The following DLC1 variants were observed in gnomAD, a reference collection of about 807,000 sequenced individuals.
The protein encoded by DLC1 is DLC1 Rho GTPase activating protein, also known as rho GTPase-activating protein 7.
Under a neutral mutation model 140.3 loss-of-function variants are expected in DLC1, and 54 were observed. That is an observed-to-expected ratio of 0.38 (90% confidence interval 0.31 to 0.48). The LOEUF (loss-of-function observed/expected upper bound fraction) is 0.48, where lower values mean the gene tolerates loss of function less well. Ranked by LOEUF, DLC1 falls within the 20% of genes least tolerant of loss-of-function variation. The pLI is 0.96. For missense variants in DLC1, 2,536 were observed against 1,907.0 expected, an observed-to-expected ratio of 1.33 and a Z score of -6.14; for synonymous variants, 986 against 728.1, an observed-to-expected ratio of 1.35 and a Z score of -5.70.
At chr8:13,559,690 G>A (rs1378829648) in intron 1 of DLC1, among the ~76,000 whole-genome samples, 2 of 152,154 alleles carry the variant, frequency 1.3e-5, no homozygotes, top group Non-Finnish European at 2.9e-5. Context: ...CAGGAAAATC[G>A]TTGTGAATTC....
chr8:13,553,539 A>G (rs1803937223), intron 1 of DLC1, among the ~76,000 whole-genome samples: 1 of 151,612 alleles, frequency 6.6e-6, no homozygotes. Context: ...ACTTGTGGAG[A>G]CAGAGTCTCA....
intron 5 of DLC1, among the ~76,000 whole-genome samples, chr8:13,193,660 A>C (rs1826887350): frequency 1.3e-5 from 2 of 152,208 alleles, no homozygotes. Flanking sequence ...ATATCTTCCA[A>C]AAAAGCTCTG....
chr8:13,391,558 C>G (rs1367659606), intron 4 of DLC1, among the ~76,000 whole-genome samples: 1 of 152,084 alleles, frequency 6.6e-6, no homozygotes, highest in African/African-American at 2.4e-5. Context: ...AATTAAAACA[C>G]TGTGAAAACT....
intron 4 of DLC1, among the ~76,000 whole-genome samples, chr8:13,333,367 A>G (rs1833681836): frequency 6.6e-6 from 1 of 151,864 alleles, no homozygotes; most frequent in Non-Finnish European, 1.5e-5. Flanking sequence ...CTGAGACTAC[A>G]CCTGAGCACC....
rs186057542 is a variant in DLC1, at chr8:13,318,442, A to T, written c.1315-13140T>A. Among the ~76,000 whole-genome samples, 26 of 152,332 alleles carry T rather than the reference A, an allele frequency of 1.7e-4. No individual in the cohort carries two copies. The East Asian group carries it at 5.0e-3, about 29-fold the overall frequency. ...AGGTCATTTAATTGACCAAGATCTC[A>T]CCATTAGTAAGTGTCCATGTCAAGT... On this transcript the variant is annotated intron_variant, in intron 4 of 17. Transcript: ENST00000276297.
intron 4 of DLC1, among the ~76,000 whole-genome samples, chr8:13,348,701 A>G (rs901328887): frequency 3.3e-5 from 5 of 152,202 alleles, no homozygotes; most frequent in Non-Finnish European, 7.3e-5. Context: ...CATTATAGTG[A>G]AGAAGGAAGA....
intron 5 of DLC1, among the ~76,000 whole-genome samples, chr8:13,169,975 A>T (rs1376001107): frequency 1.3e-5 from 2 of 152,004 alleles, no homozygotes; most frequent in African/African-American, 4.8e-5. Flanking sequence ...AGCTGTGATC[A>T]CCCTGTGGCA....
intron 5 of DLC1, among the ~76,000 whole-genome samples, chr8:13,303,699 G>A (rs1832302133): frequency 6.6e-6 from 1 of 152,114 alleles, no homozygotes; most frequent in Non-Finnish European, 1.5e-5. Context: ...CTACTCAGGA[G>A]GCTGAGGCAG....
intron 10 of DLC1, among the ~76,000 whole-genome samples, chr8:13,097,093 A>G (rs1034420699): frequency 6.6e-6 from 1 of 152,196 alleles, no homozygotes; most frequent in Non-Finnish European, 1.5e-5. Context: ...ATTATGAACA[A>G]TTTGTACAAT....
chr8:13,263,413 T>C (rs1830546445), intron 5 of DLC1, among the ~76,000 whole-genome samples: 1 of 152,168 alleles, frequency 6.6e-6, no homozygotes, highest in African/African-American at 2.4e-5. Flanking sequence ...AATAGACACT[T>C]AGTTACATTT....
At chr8:13,482,774 G>T (rs1800794393) in intron 2 of DLC1, among the ~76,000 whole-genome samples, 1 of 152,156 alleles carries the variant, frequency 6.6e-6, no homozygotes, top group African/African-American at 2.4e-5. Context: ...GAAGTGCCGT[G>T]CTTGTCTTCA....
intron 4 of DLC1, among the ~76,000 whole-genome samples, chr8:13,372,779 T>A (rs1410089398): frequency 1.3e-5 from 2 of 152,222 alleles, no homozygotes; most frequent in Non-Finnish European, 2.9e-5. Flanking sequence ...TTTATTTATA[T>A]AGAAAAGGGC....
At chr8:13,144,084 G>A (rs1384463264) in intron 5 of DLC1, among the ~76,000 whole-genome samples, 1 of 152,112 alleles carries the variant, frequency 6.6e-6, no homozygotes, top group Admixed American at 6.5e-5. Context: ...TTATGAGGGT[G>A]GTTCTGAAAG....
intron 4 of DLC1, among the ~76,000 whole-genome samples, chr8:13,376,368 C>G (rs1835986608): frequency 6.6e-6 from 1 of 152,162 alleles, no homozygotes; most frequent in Non-Finnish European, 1.5e-5. Flanking sequence ...CTCTATTCCT[C>G]TAAGTAAGCA....
chr8:13,376,056 A>G (rs1563295920), intron 4 of DLC1, among the ~76,000 whole-genome samples: 1 of 152,174 alleles, frequency 6.6e-6, no homozygotes, highest in Non-Finnish European at 1.5e-5. Flanking sequence ...CTTTTCCAAG[A>G]AAAAGCACCA....
intron 5 of DLC1, among the ~76,000 whole-genome samples, chr8:13,118,856 C>T (rs1251431151): frequency 6.6e-6 from 1 of 152,152 alleles, no homozygotes; most frequent in Non-Finnish European, 1.5e-5. Flanking sequence ...GTCCATCAAT[C>T]CTGGCTCATC....
intron 2 of DLC1, among the ~76,000 whole-genome samples, chr8:13,406,625 C>T (rs549258406): frequency 1.3e-5 from 2 of 152,234 alleles, no homozygotes; most frequent in South Asian, 2.1e-4. Flanking sequence ...TCTCATATGA[C>T]ATGTTTTCAA....
chr8:13,420,954 C>T (rs1237656244), intron 2 of DLC1, among the ~76,000 whole-genome samples: 1 of 152,066 alleles, frequency 6.6e-6, no homozygotes, highest in Admixed American at 6.6e-5. Flanking sequence ...TCAGTTTGAG[C>T]TCTTGGACGC....
chr8:13,207,423 C>A (rs1048881987), intron 5 of DLC1, among the ~76,000 whole-genome samples: 1 of 152,074 alleles, frequency 6.6e-6, no homozygotes, highest in Non-Finnish European at 1.5e-5. Context: ...CTTTTAAAAT[C>A]AAGTATTAAA....
Sources: allele counts gnomAD v4.1 joint callset (sites outside exome capture counted in the v4.1 genomes callset), GRCh38; gene constraint gnomAD v4.1.1; transcripts MANE v1.5; gene names NCBI Gene and HGNC (gene_info 2026-07-23, HGNC 2026-07-21).